Variants in NPTXR observed in about 807,000 individuals in gnomAD.
NPTXR encodes the protein neuronal pentraxin receptor.
A neutral mutation model predicts 32.2 loss-of-function variants in NPTXR; 12 were observed. That is an observed-to-expected ratio of 0.37 (90% confidence interval 0.24 to 0.60). The LOEUF (loss-of-function observed/expected upper bound fraction) is 0.60. Among genes scored for constraint, NPTXR ranks in the 20% least tolerant of loss-of-function variants. The probability of loss-of-function intolerance (pLI) is 0.66; values close to 1 mark genes in which losing one functional copy is unlikely to be tolerated. For missense variants in NPTXR, 612 were observed against 682.9 expected, an observed-to-expected ratio of 0.90 and a Z score of 1.16; for synonymous variants, 323 against 315.8, an observed-to-expected ratio of 1.02 and a Z score of -0.24.
intron 1 of NPTXR, among the ~76,000 whole-genome samples, chr22:38,832,336 G>A (rs1434377604): frequency 1.3e-5 from 2 of 152,260 alleles, no homozygotes; most frequent in Non-Finnish European, 2.9e-5. Flanking sequence ...CACCTAAGAT[G>A]ATGGAGGGAA....
Position 38,843,889 on chromosome 22 carries a change from C to T in NPTXR, c.-31G>A. The T allele has an allele frequency of 1.0e-6, 1 of 983,626 alleles. No homozygotes were observed. The highest frequency in any genetic ancestry group is 1.2e-6 in the Non-Finnish European group (1 of 830,626). The allele number at this position is 983,626 out of a possible 1,614,324, so 60.9% of individuals were successfully genotyped here. A position where few individuals can be genotyped will look rare whatever the true frequency, so the allele number is the denominator to read the frequency against. ...GGCGGGCGGCGGGGGCGCCCGAGGC[C>T]CCCGGCAGGCGCGGCGGCGGGGTCG... On this transcript the variant is annotated 5_prime_UTR_variant, in exon 1 of 5. Coordinates refer to ENST00000333039, the MANE Select transcript of NPTXR (RefSeq NM_014293.4). This position sits in a 1 kb window ranked among gnomAD's most constrained non-coding sequence, Gnocchi z 5.3.
chr22:38,843,440 T>C lies in NPTXR; in HGVS notation c.419A>G (p.Gln140Arg), dbSNP rs1402361758. 7.2e-7 allele frequency: 1 copy of C among 1,382,796 alleles called. No homozygotes were observed. Among genetic ancestry groups the C allele is most frequent in the South Asian group, 1.7e-5 (1 of 59,750 alleles). 85.7% of individuals were successfully genotyped at this position (1,382,796 alleles called of 1,614,324 possible). A position where few individuals can be genotyped will look rare whatever the true frequency, so the allele number is the denominator to read the frequency against. The change falls in exon 1 of 5, where the codon CAG becomes CGG. Residue 140 changes from glutamine to arginine, a missense_variant. Coordinates refer to ENST00000333039, the MANE Select transcript of NPTXR (RefSeq NM_014293.4). The surrounding 1 kb of genome is among the most constrained non-coding windows in gnomAD (Gnocchi z 5.3). ...CTGGTCGGCGCGGATGCGCGCCTCC[T>C]GCTGCAGCGCCGTCTGGCGCAGCTG...
Position 38,822,557 on chromosome 22 carries a change from C to T in NPTXR, c.*52G>A, listed in dbSNP as rs537575374. On this transcript the variant is annotated 3_prime_UTR_variant, in exon 5 of 5. Coordinates refer to ENST00000333039, the MANE Select transcript of NPTXR (RefSeq NM_014293.4). ...AGGCTGAGGAGGGAATATGACCCCC[C>T]TCAAGTCCCCAAAGTGGCAGGCAAG... 11 of 1,531,164 alleles carry T rather than the reference C, an allele frequency of 7.2e-6. No individual in the cohort carries two copies. Among genetic ancestry groups the T allele is most frequent in the Non-Finnish European group, 7.1e-6 (8 of 1,121,358 alleles). The allele number at this position is 1,531,164 out of a possible 1,614,324, so 94.8% of individuals were successfully genotyped here.
chr22:38,842,059 C>T (rs574405393), intron 1 of NPTXR, among the ~76,000 whole-genome samples: 50 of 152,330 alleles, frequency 3.3e-4, no homozygotes, highest in African/African-American at 1.2e-3. Flanking sequence ...CCAGTACAGA[C>T]GTCCTGGAGG....
chr22:38,822,293 T>C lies in NPTXR; in HGVS notation c.*316A>G. 1 of 366,960 alleles carries C rather than the reference T, an allele frequency of 2.7e-6. No homozygotes were observed. The highest frequency in any genetic ancestry group is 5.6e-5 in the East Asian group (1 of 17,854). 22.7% of individuals were successfully genotyped at this position (366,960 alleles called of 1,614,324 possible). ...ATACACAATCCTACCCTACTGGGGG[T>C]GCTGTCAAAATTAGTGAAATCAGAT... On this transcript the variant is annotated 3_prime_UTR_variant, in exon 5 of 5. Transcript: ENST00000333039.
In NPTXR at chr22:38,822,807, G is replaced by A; in HGVS notation, c.1305C>T (p.Ala435=). Residue 435 remains alanine (A), a synonymous_variant, in exon 5 of 5, where the codon GCC becomes GCT. Transcript: ENST00000333039. ...CAATGTCACCGACAAAGGCCTGGGT[G>A]GCATCAAACCGGCCACCCAGGGTAT... 2.5e-6 allele frequency: 4 copies of A among 1,614,070 alleles called. No homozygotes were observed. The highest frequency in any genetic ancestry group is 3.4e-6 in the Non-Finnish European group (4 of 1,179,960).
At position 38,843,342 on chromosome 22, in the gene NPTXR, C is replaced by T. The variant is rs775179493; in HGVS notation, c.517G>A (p.Gly173Arg). ...TCGGCCATGGTGTCGCGGCGGGGCCCGGCGCCCTGGAGGCCGCGCGGCAGG... is the reference window on the plus strand; with the variant it reads ...TCGGCCATGGTGTCGCGGCGGGGCCTGGCGCCCTGGAGGCCGCGCGGCAGG... Residue 173 changes from glycine to arginine, a missense_variant, in exon 1 of 5, where the codon GGG (glycine) becomes AGG (arginine). Coordinates refer to ENST00000333039, the MANE Select transcript of NPTXR (RefSeq NM_014293.4). The surrounding 1 kb of genome is among the most constrained non-coding windows in gnomAD (Gnocchi z 5.3). 5.7e-5 allele frequency: 80 copies of T among 1,414,114 alleles called. No individual in the cohort carries two copies. The highest frequency in any genetic ancestry group is 7.0e-5 in the Non-Finnish European group (76 of 1,091,850). The allele number at this position is 1,414,114 out of a possible 1,614,324, so 87.6% of individuals were successfully genotyped here. A position where few individuals can be genotyped will look rare whatever the true frequency, so the allele number is the denominator to read the frequency against.
Position 38,822,522 on chromosome 22 carries a change from G to A in NPTXR, c.*87C>T. The A allele has an allele frequency of 8.4e-7, 1 of 1,184,022 alleles. No homozygotes were observed. The highest frequency in any genetic ancestry group is 1.4e-5 in the South Asian group (1 of 71,394). 73.3% of individuals were successfully genotyped at this position (1,184,022 alleles called of 1,614,324 possible). ...AGGAGTGGGGCAGGAGGGAAGGCCAGTGCGTGGGCAGGCTGAGGAGGGAAT... is the reference window on the plus strand; with the variant it reads ...AGGAGTGGGGCAGGAGGGAAGGCCAATGCGTGGGCAGGCTGAGGAGGGAAT... On this transcript the variant is annotated 3_prime_UTR_variant, in exon 5 of 5. Coordinates refer to ENST00000333039, the MANE Select transcript of NPTXR (RefSeq NM_014293.4).
rs1016329317 is a variant in NPTXR, at chr22:38,818,872, G to A, written c.*3737C>T. On this transcript the variant is annotated 3_prime_UTR_variant, in exon 5 of 5. Transcript: ENST00000333039. This position sits in a 1 kb window ranked among gnomAD's most constrained non-coding sequence, Gnocchi z 4.5. ...AGGGTGCTGGGACACACAAAGGAGG[G>A]GGGACTCAGTGCTGGGGAGAGGCTG... is the stretch of plus-strand genomic sequence containing the variant. The A allele has an allele frequency of 6.6e-6, 1 of 152,536 alleles. No homozygotes were observed. The highest frequency in any genetic ancestry group is 6.5e-5 in the Admixed American group (1 of 15,286). The allele number at this position is 152,536 out of a possible 1,614,324, so 9.4% of individuals were successfully genotyped here. A position where few individuals can be genotyped will look rare whatever the true frequency, so the allele number is the denominator to read the frequency against.
At chr22:38,840,048 A>G (rs1030280671) in intron 1 of NPTXR, among the ~76,000 whole-genome samples, 8 of 152,246 alleles carry the variant, frequency 5.3e-5, no homozygotes, top group African/African-American at 1.9e-4. Flanking sequence ...AACAACACAA[A>G]TAAAAATGGA....
Position 38,820,296 on chromosome 22 carries a change from T to C in NPTXR, c.*2313A>G, listed in dbSNP as rs741977. Reference sequence around the variant, plus strand: ...TGTACTGGAGGGGCTGGGCAATCTATTTATGTTCTCGAAATGGAAAGCAGG... The same window carrying C: ...TGTACTGGAGGGGCTGGGCAATCTACTTATGTTCTCGAAATGGAAAGCAGG... On this transcript the variant is annotated 3_prime_UTR_variant, in exon 5 of 5. Transcript: ENST00000333039. The C allele has an allele frequency of 0.33, 50,033 of 152,490 alleles. 8,780 individuals are homozygous for C. Among genetic ancestry groups the C allele is most frequent in the East Asian group, 0.71 (3,646 of 5,154 alleles). 9.4% of individuals were successfully genotyped at this position (152,490 alleles called of 1,614,324 possible).
At chr22:38,831,618 G>A (rs943667359) in intron 1 of NPTXR, among the ~76,000 whole-genome samples, 1 of 152,110 alleles carries the variant, frequency 6.6e-6, no homozygotes, top group Non-Finnish European at 1.5e-5. Flanking sequence ...CACTGCATTC[G>A]AGATGGCTGG....
intron 3 of NPTXR, among the ~76,000 whole-genome samples, chr22:38,824,275 G>A (rs969381894): frequency 2.0e-5 from 3 of 151,728 alleles, no homozygotes; most frequent in Non-Finnish European, 4.4e-5. Flanking sequence ...TTACAGGCAA[G>A]AGCCACCTTA....
At position 38,823,076 on chromosome 22, in the gene NPTXR, G is replaced by C. The variant is rs2093100748; in HGVS notation, c.1278+7C>G. On this transcript the variant is annotated splice_region_variant and intron_variant, in intron 4 of 4. Transcript: ENST00000333039. ...AGGTCCAGCCCCAATATCAGCCTGA[G>C]CCTTACCTGCTCCTGGCCCAAGATA... The C allele has an allele frequency of 6.2e-7, 1 of 1,613,902 alleles. No homozygotes were observed. Among genetic ancestry groups the C allele is most frequent in the Non-Finnish European group, 8.5e-7 (1 of 1,179,974 alleles).
At chr22:38,830,299 C>T (rs758650240) in intron 1 of NPTXR, among the ~76,000 whole-genome samples, 10 of 152,072 alleles carry the variant, frequency 6.6e-5, no homozygotes, top group African/African-American at 1.7e-4. Context: ...TAAATGATGG[C>T]GTGTAAGGGA....
chr22:38,828,509 C>A lies in NPTXR; in HGVS notation c.628G>T (p.Glu210Ter). The change falls in exon 2 of 5, where the codon GAG becomes TAG. Residue 210 changes from glutamate to a stop codon, truncating the protein, a stop_gained. Coordinates refer to ENST00000333039, the MANE Select transcript of NPTXR (RefSeq NM_014293.4). LOFTEE classifies it high-confidence loss of function. Reference sequence around the variant, plus strand: ...GAGAGGTTCACACGGGCTGGAAGCTCCTGCTGTTCACAGGGCAGAGAAACA... The same window carrying A: ...GAGAGGTTCACACGGGCTGGAAGCTACTGCTGTTCACAGGGCAGAGAAACA... 1 of 1,592,586 alleles carries A rather than the reference C, an allele frequency of 6.3e-7. No individual in the cohort carries two copies. Among genetic ancestry groups the A allele is most frequent in the East Asian group, 2.3e-5 (1 of 44,076 alleles).
chr22:38,823,024 C>T (rs2093100639), intron 4 of NPTXR, 59 bp downstream of exon 4: 1 of 1,590,592 alleles, frequency 6.3e-7, no homozygotes, highest in Non-Finnish European at 8.6e-7. Context: ...CTCTCTGGCC[C>T]TCAGTCTGCC....
At chr22:38,823,832 C>A (rs1398493256) in intron 3 of NPTXR, among the ~76,000 whole-genome samples, 1 of 152,196 alleles carries the variant, frequency 6.6e-6, no homozygotes, top group African/African-American at 2.4e-5. Context: ...CAATCAATCA[C>A]GAGCCTCGAT....
At chr22:38,825,233 G>A (rs1481043205) in intron 3 of NPTXR, among the ~76,000 whole-genome samples, 2 of 152,272 alleles carry the variant, frequency 1.3e-5, no homozygotes, top group African/African-American at 2.4e-5. Context: ...GAGGAAGATG[G>A]GTGGCCCAAG....
Sources: allele counts gnomAD v4.1 joint callset (sites outside exome capture counted in the v4.1 genomes callset), GRCh38; gene constraint gnomAD v4.1.1; non-coding constraint Gnocchi (gnomAD v3.1); transcripts MANE v1.5; gene names NCBI Gene and HGNC (gene_info 2026-07-23, HGNC 2026-07-21).